Variants in PAX7 observed in about 807,000 individuals in gnomAD.
PAX7 encodes paired box 7.
In PAX7, 18 loss-of-function variants were observed where a neutral mutation model predicts 50.7. That is an observed-to-expected ratio of 0.36 (90% CI 0.25 to 0.53). PAX7 has a LOEUF of 0.53. Ranked by LOEUF, PAX7 falls within the 20% of genes least tolerant of loss-of-function variation. The pLI is 0.93. For missense variants in PAX7, 644 were observed against 702.9 expected (o/e 0.92, Z 0.95); for synonymous variants, 310 against 290.4 (o/e 1.07, Z -0.69).
rs1222075902 is a variant in PAX7, at chr1:18,648,338, G to A, written c.586+11967G>A. On this transcript the variant is annotated intron_variant, in intron 4 of 8. Coordinates refer to ENST00000420770, the MANE Select transcript of PAX7 (RefSeq NM_001135254.2). ...CCATTCACTCTACTACTTTATTTTT[G>A]TCTTTTTTTTTTTTTTTTTTTGAGA... Among the ~76,000 whole-genome samples, 29 of 127,622 alleles carry A rather than the reference G, an allele frequency of 2.3e-4. No homozygotes were observed. In the Admixed American group the frequency reaches 2.3e-3, roughly 10 times the overall value. 83.7% of individuals were successfully genotyped at this position (127,622 alleles called of 152,430 possible).
chr1:18,638,032 G>A (rs2088190522), intron 4 of PAX7, among the ~76,000 whole-genome samples: 1 of 152,254 alleles, frequency 6.6e-6, no homozygotes, highest in Non-Finnish European at 1.5e-5. Context: ...TGGACTTTTT[G>A]TGGGTTGTGG....
At position 18,716,906 on chromosome 1, in the gene PAX7, T is replaced by C. The variant is rs377745305; in HGVS notation, c.1155+13610T>C. Among the ~76,000 whole-genome samples, 552 of 151,730 alleles carry C rather than the reference T, an allele frequency of 3.6e-3. 2 individuals carry two copies. The highest frequency in any genetic ancestry group is 0.013 in the African/African-American group (522 of 41,414). On this transcript the variant is annotated intron_variant, in intron 7 of 8. Coordinates refer to ENST00000420770, the MANE Select transcript of PAX7 (RefSeq NM_001135254.2). ...CCTTTCCGAATTCCTCCGCTGCTGG[T>C]GGGCTCCGAGGCAGGGACCGGGCGC...
chr1:18,689,240 T>A (rs1302010406), intron 4 of PAX7, among the ~76,000 whole-genome samples: 3 of 152,250 alleles, frequency 2.0e-5, no homozygotes, highest in Non-Finnish European at 2.9e-5. Flanking sequence ...GCTTCCGTTG[T>A]CACCGTCAGA....
At chr1:18,633,933 G>T (rs2088101496) in intron 1 of PAX7, among the ~76,000 whole-genome samples, 1 of 152,152 alleles carries the variant, frequency 6.6e-6, no homozygotes, top group Non-Finnish European at 1.5e-5. Context: ...GATCTCTAAG[G>T]CTCTACCAGC....
intron 2 of PAX7, 103 bp from the exon 3 acceptor site, chr1:18,635,008 G>A (rs941784032): frequency 5.3e-5 from 76 of 1,423,216 alleles, no homozygotes; most frequent in Non-Finnish European, 6.8e-5. Flanking sequence ...AAGGTAACCA[G>A]AACCACCAGC....
intron 4 of PAX7, among the ~76,000 whole-genome samples, chr1:18,655,771 G>C (rs934863182): frequency 2.3e-4 from 4 of 17,036 alleles, no homozygotes; most frequent in African/African-American, 9.5e-4. Flanking sequence ...CTTGGAGAGG[G>C]TGTGTGTGTG....
At chr1:18,737,001 A>G (rs997796045) in intron 8 of PAX7, among the ~76,000 whole-genome samples, 11 of 152,216 alleles carry the variant, frequency 7.2e-5, no homozygotes, top group Non-Finnish European at 1.3e-4. Context: ...AAACTCTGCA[A>G]TGGTCTCATG....
intron 4 of PAX7, among the ~76,000 whole-genome samples, chr1:18,679,713 T>A (rs112388173): frequency 0.024 from 3,686 of 152,234 alleles, 164 homozygotes; most frequent in African/African-American, 0.084. Context: ...GGACGTGGGG[T>A]CTGTAGGCAT....
intron 4 of PAX7, among the ~76,000 whole-genome samples, chr1:18,681,919 A>T: frequency 6.6e-6 from 1 of 151,906 alleles, no homozygotes; most frequent in Admixed American, 6.6e-5. Context: ...TTGTATTTTT[A>T]GTAGAGACGG....
intron 4 of PAX7, among the ~76,000 whole-genome samples, chr1:18,680,232 G>A (rs2088877985): frequency 6.6e-6 from 1 of 152,134 alleles, no homozygotes; most frequent in Admixed American, 6.5e-5. Flanking sequence ...AGGCAGGATG[G>A]CAGCTCTTAT....
intron 5 of PAX7, among the ~76,000 whole-genome samples, chr1:18,698,750 C>A (rs145421998): frequency 6.6e-6 from 1 of 152,164 alleles, no homozygotes; most frequent in Admixed American, 6.5e-5. Flanking sequence ...TTGAATCCAT[C>A]GGGAGCCAGT....
At chr1:18,678,898 C>T (rs1183267626) in intron 4 of PAX7, among the ~76,000 whole-genome samples, 4 of 152,138 alleles carry the variant, frequency 2.6e-5, no homozygotes, top group South Asian at 2.1e-4. Context: ...GTGCCCATCG[C>T]GATGGTTAAG....
intron 7 of PAX7, among the ~76,000 whole-genome samples, chr1:18,703,936 G>C (rs1570197650): frequency 6.6e-6 from 1 of 152,216 alleles, no homozygotes; most frequent in East Asian, 1.9e-4. Context: ...CTACTGCTCA[G>C]GGGTCTCTGA....
At chr1:18,686,598 G>T (rs1169655437) in intron 4 of PAX7, among the ~76,000 whole-genome samples, 1 of 152,278 alleles carries the variant, frequency 6.6e-6, no homozygotes. Context: ...GGCCTCTGTG[G>T]CCAATTCCAC....
At position 18,703,207 on chromosome 1, in the gene PAX7, C is replaced by CACAGCTTCTCCAGCTACTCTG. The variant is rs758117328; in HGVS notation, c.1075_1095dup (p.Ser359_Phe365dup). The CACAGCTTCTCCAGCTACTCTG allele has an allele frequency of 2.6e-5, 42 of 1,614,056 alleles. No homozygotes were observed. The highest frequency in any genetic ancestry group is 3.4e-5 in the Non-Finnish European group (40 of 1,180,044). On this transcript the variant is annotated inframe_insertion, in exon 7 of 9. Transcript: ENST00000420770. ...CACCAGCTCTGCCTACGGAGCCCGC[C>CACAGCTTCTCCAGCTACTCTG]ACAGCTTCTCCAGCTACTCTGACAG...
chr1:18,633,460 C>T (rs2088091774), intron 1 of PAX7, among the ~76,000 whole-genome samples: 1 of 152,246 alleles, frequency 6.6e-6, no homozygotes, highest in African/African-American at 2.4e-5. Context: ...GTCACCCCCA[C>T]CCGGGGGGAC....
At chr1:18,650,023 G>C (rs1001866707) in intron 4 of PAX7, among the ~76,000 whole-genome samples, 3 of 152,188 alleles carry the variant, frequency 2.0e-5, no homozygotes, top group Non-Finnish European at 4.4e-5. Context: ...TTTAGTGGAG[G>C]GGAAGCAGTG....
At chr1:18,681,630 C>CGTG (rs2088901218) in intron 4 of PAX7, among the ~76,000 whole-genome samples, 1 of 152,138 alleles carries the variant, frequency 6.6e-6, no homozygotes, top group African/African-American at 2.4e-5. Flanking sequence ...CAGAGAATGC[C>CGTG]CCACTGCAGT....
At chr1:18,672,094 A>G (rs540184393) in intron 4 of PAX7, among the ~76,000 whole-genome samples, 40 of 152,260 alleles carry the variant, frequency 2.6e-4, no homozygotes, top group Middle Eastern at 6.8e-3. Flanking sequence ...CATACAGGGC[A>G]CTCTGTGAGT....
Sources: gnomAD v4.1 joint callset for allele counts (sites outside exome capture counted in the v4.1 genomes callset) on GRCh38, gnomAD v4.1.1 for gene constraint, MANE v1.5 for transcripts, NCBI Gene and HGNC (gene_info 2026-07-23, HGNC 2026-07-21) for gene names.